Variants in GRIK4 observed in about 807,000 individuals in gnomAD.
GRIK4 encodes the protein glutamate receptor ionotropic, kainate 4.
GRIK4 carries 40 observed loss-of-function variants against 104.9 expected under a neutral mutation model. That is an observed-to-expected ratio of 0.38 (90% CI 0.30 to 0.50). The LOEUF (loss-of-function observed/expected upper bound fraction) is 0.50. Ranked by LOEUF, GRIK4 falls within the 20% of genes least tolerant of loss-of-function variation. The probability of loss-of-function intolerance (pLI) is 0.93; values close to 1 mark genes in which losing one functional copy is unlikely to be tolerated. For synonymous variants in GRIK4, 485 were observed against 524.9 expected (o/e 0.92, Z 1.04); for missense variants, 1,047 against 1,308.1 (o/e 0.80, Z 3.08).
intron 11 of GRIK4, among the ~76,000 whole-genome samples, chr11:120,883,213 T>C (rs1955016732): frequency 1.3e-5 from 2 of 152,160 alleles, no homozygotes; most frequent in African/African-American, 4.8e-5. Flanking sequence ...GGCACACAGA[T>C]GTGCTGTCCG....
chr11:120,801,682 A>C (rs1952624354), intron 3 of GRIK4, among the ~76,000 whole-genome samples: 1 of 152,222 alleles, frequency 6.6e-6, no homozygotes, highest in Non-Finnish European at 1.5e-5. Flanking sequence ...GGAAATTATG[A>C]ATAATGCTGC....
chr11:120,891,732 A>C (rs1486572477), intron 11 of GRIK4, among the ~76,000 whole-genome samples: 1 of 152,158 alleles, frequency 6.6e-6, no homozygotes, highest in Non-Finnish European at 1.5e-5. Flanking sequence ...AGCAATGGTC[A>C]CATCGATGAA....
Position 120,618,461 on chromosome 11 carries a change from A to T in GRIK4, c.-158-35224A>T, listed in dbSNP as rs1949142795. Among the ~76,000 whole-genome samples, 12 of 152,376 alleles carry T rather than the reference A, an allele frequency of 7.9e-5. 1 individual carries two copies. In the South Asian group the frequency reaches 2.5e-3, roughly 32 times the overall value. On this transcript the variant is annotated intron_variant, in intron 1 of 20. Transcript: ENST00000527524. ...AGCCCATTTTTAGGGGAGGAATTCA[A>T]GCAGGCTGTACAAATTTGCATAAGT...
intron 9 of GRIK4, chr11:120,867,979 A>G (rs1447582529): frequency 6.6e-6 from 1 of 152,218 alleles, no homozygotes; most frequent in Non-Finnish European, 1.5e-5. Flanking sequence ...CCAGATTGTA[A>G]GAACTATTCC....
At chr11:120,515,609 T>A (rs1379283483) in intron 1 of GRIK4, among the ~76,000 whole-genome samples, 1 of 152,206 alleles carries the variant, frequency 6.6e-6, no homozygotes, top group Non-Finnish European at 1.5e-5. Context: ...GAGGGCAGAT[T>A]CCTGGAGGAG....
chr11:120,704,400 A>T (rs1470011419), intron 3 of GRIK4, among the ~76,000 whole-genome samples: 1 of 152,162 alleles, frequency 6.6e-6, no homozygotes, highest in Non-Finnish European at 1.5e-5. Context: ...AGCTCAGGAG[A>T]TGCAGCTGAA....
chr11:120,755,325 G>A (rs751023470), intron 3 of GRIK4, among the ~76,000 whole-genome samples: 1 of 152,138 alleles, frequency 6.6e-6, no homozygotes, highest in African/African-American at 2.4e-5. Flanking sequence ...TGTTTAAAAA[G>A]CATTTACTCG....
chr11:120,546,357 G>A (rs2252489), intron 1 of GRIK4, among the ~76,000 whole-genome samples: 3,547 of 152,220 alleles, frequency 0.023, 145 homozygotes, highest in African/African-American at 0.08. Flanking sequence ...CGGAAAAGTG[G>A]TCAGGGGCAT....
At chr11:120,598,855 C>T (rs935675882) in intron 1 of GRIK4, among the ~76,000 whole-genome samples, 2 of 152,198 alleles carry the variant, frequency 1.3e-5, no homozygotes, top group Non-Finnish European at 2.9e-5. Flanking sequence ...TTTTTACATC[C>T]TCTGTTATTT....
rs80352790 is a variant in GRIK4, at chr11:120,690,210, C to T, written c.82+29810C>T. On this transcript the variant is annotated intron_variant, in intron 3 of 20. Coordinates refer to ENST00000527524, the MANE Select transcript of GRIK4 (RefSeq NM_014619.5). ...GCATAGCTGCCCTGTCGTCCTGGTGCGTGAGTGGCTTTAGTGTCTGGTGTT... is the reference window on the plus strand; with the variant it reads ...GCATAGCTGCCCTGTCGTCCTGGTGTGTGAGTGGCTTTAGTGTCTGGTGTT... 7.8e-3 allele frequency among the ~76,000 whole-genome samples: 1,191 copies of T among 152,212 alleles called. 59 individuals carry two copies. The East Asian group carries it at 0.13, about 17-fold the overall frequency.
At chr11:120,518,699 A>G (rs960367748) in intron 1 of GRIK4, among the ~76,000 whole-genome samples, 1 of 152,022 alleles carries the variant, frequency 6.6e-6, no homozygotes, top group African/African-American at 2.4e-5. Context: ...GCTTACTGCA[A>G]CCTCCGCCTC....
intron 16 of GRIK4, among the ~76,000 whole-genome samples, chr11:120,960,396 C>G (rs550509069): frequency 6.6e-6 from 1 of 152,316 alleles, no homozygotes; most frequent in South Asian, 2.1e-4. Flanking sequence ...CCTCAATTTC[C>G]TCACCTGTAA....
At chr11:120,554,661 C>G (rs554060395) in intron 1 of GRIK4, among the ~76,000 whole-genome samples, 16 of 151,964 alleles carry the variant, frequency 1.1e-4, no homozygotes, top group Admixed American at 6.6e-4. Flanking sequence ...CGGGTTCAAG[C>G]GATTCTCTTG....
intron 3 of GRIK4, among the ~76,000 whole-genome samples, chr11:120,761,809 TA>T: frequency 6.6e-6 from 1 of 152,214 alleles, no homozygotes; most frequent in Non-Finnish European, 1.5e-5. Context: ...TTCGTCTATA[TA>T]TCTGTTTTAG....
Position 120,905,437 on chromosome 11 carries a change from G to A in GRIK4, c.1420G>A (p.Gly474Ser), listed in dbSNP as rs1942846691. Residue 474 changes from glycine (G) to serine (S), a missense_variant, in exon 13 of 21, where the codon GGC (glycine) becomes AGC (serine). By Grantham distance (56) the Gly-to-Ser change is moderately conservative. This residue lies in a region of GRIK4 where 440 missense variants were observed against 652.3 expected (regional missense o/e 0.67). Transcript: ENST00000527524. This position sits in a 1 kb window ranked among gnomAD's most constrained non-coding sequence, Gnocchi z 5.1. Reference sequence around the variant, plus strand: ...CCGCCTGGTTGGGGATGGCGTGTACGGCGTTCCCGAGGCCAACGGCACCTG... The same window carrying A: ...CCGCCTGGTTGGGGATGGCGTGTACAGCGTTCCCGAGGCCAACGGCACCTG... The part of the protein sequence containing the change: ...KIRLVGDGVY[G>S]VPEANGTWTG... The A allele has an allele frequency of 1.9e-6, 3 of 1,613,830 alleles. No homozygotes were observed. Among genetic ancestry groups the A allele is most frequent in the African/African-American group, 1.3e-5 (1 of 74,904 alleles).
chr11:120,514,847 C>T (rs985096361), intron 1 of GRIK4: 14 of 398,622 alleles, frequency 3.5e-5, no homozygotes, highest in South Asian at 5.6e-5. Context: ...GTGTCCACTC[C>T]GACCTTTGCT....
intron 9 of GRIK4, among the ~76,000 whole-genome samples, chr11:120,867,599 C>T (rs187256418): frequency 6.6e-6 from 1 of 152,204 alleles, no homozygotes; most frequent in Non-Finnish European, 1.5e-5. Context: ...TCCTCACCTT[C>T]CGGGTCGGGC....
At chr11:120,637,518 C>T (rs916597404) in intron 1 of GRIK4, among the ~76,000 whole-genome samples, 9 of 152,152 alleles carry the variant, frequency 5.9e-5, no homozygotes, top group African/African-American at 2.2e-4. Flanking sequence ...TTACAGAGCG[C>T]CTGGATACGT....
chr11:120,574,743 A>T (rs557749162), intron 1 of GRIK4, among the ~76,000 whole-genome samples: 69 of 152,290 alleles, frequency 4.5e-4, no homozygotes, highest in African/African-American at 1.6e-3. Context: ...TTACAGCATC[A>T]CTTTGTGTCT....
Sources: gnomAD v4.1 joint callset for allele counts (sites outside exome capture counted in the v4.1 genomes callset) on GRCh38, gnomAD v4.1.1 for gene constraint, gnomAD v4.1.1 regional missense constraint, Gnocchi (gnomAD v3.1) non-coding constraint, MANE v1.5 for transcripts, NCBI Gene and HGNC (gene_info 2026-07-23, HGNC 2026-07-21) for gene names.